MAST4: variants seen among roughly 807,000 people sequenced by gnomAD.
MAST4 encodes microtubule-associated serine/threonine-protein kinase 4.
MAST4 carries 89 observed loss-of-function variants against 162.7 expected under a neutral mutation model. That is an observed-to-expected ratio of 0.55 (90% CI 0.46 to 0.65). The LOEUF (loss-of-function observed/expected upper bound fraction) is 0.65, where lower values mean the gene tolerates loss of function less well. Among genes scored for constraint, MAST4 ranks in the 30% least tolerant of loss-of-function variants. The probability of loss-of-function intolerance (pLI) is 0.00; values close to 1 mark genes in which losing one functional copy is unlikely to be tolerated. For synonymous variants in MAST4, 1,479 were observed against 1,361.1 expected, an observed-to-expected ratio of 1.09 and a Z score of -1.91; for missense variants, 3,153 against 3,374.0, an observed-to-expected ratio of 0.93 and a Z score of 1.62.
At chr5:66,772,193 G>C (rs1480879749) in intron 2 of MAST4, among the ~76,000 whole-genome samples, 1 of 152,188 alleles carries the variant, frequency 6.6e-6, no homozygotes, top group Non-Finnish European at 1.5e-5. Flanking sequence ...GAGGAGATAA[G>C]GTAGGGAAAG....
At chr5:67,069,563 C>T (rs1760677472) in intron 5 of MAST4, among the ~76,000 whole-genome samples, 1 of 151,958 alleles carries the variant, frequency 6.6e-6, no homozygotes, top group Non-Finnish European at 1.5e-5. Context: ...GCCCGAGTGA[C>T]CCCCAGCATG....
At chr5:66,730,055 G>A (rs768092370) in intron 1 of MAST4, among the ~76,000 whole-genome samples, 9 of 152,104 alleles carry the variant, frequency 5.9e-5, no homozygotes, top group Non-Finnish European at 1.0e-4. Context: ...TTGTCTTAAT[G>A]TTAATTTTAG....
intron 2 of MAST4, among the ~76,000 whole-genome samples, chr5:66,776,367 T>A (rs1353978270): frequency 6.6e-6 from 1 of 152,196 alleles, no homozygotes. Flanking sequence ...GATTCATAAT[T>A]TCTCCAAGAA....
At chr5:66,646,168 T>C (rs1745822021) in intron 1 of MAST4, among the ~76,000 whole-genome samples, 1 of 152,190 alleles carries the variant, frequency 6.6e-6, no homozygotes, top group African/African-American at 2.4e-5. Context: ...AGGTAAATGT[T>C]ATAAACACTT....
rs758395956 is a variant in MAST4, at chr5:67,166,396, C to A, written c.7217C>A (p.Pro2406Gln). 13 of 1,610,432 alleles carry A rather than the reference C, an allele frequency of 8.1e-6. No individual in the cohort carries two copies. The highest frequency in any genetic ancestry group is 1.1e-5 in the Non-Finnish European group (13 of 1,178,298). Reference protein sequence around the residue: ...SENRLKGAERPAAGVGKGFPE... With the variant: ...SENRLKGAERQAAGVGKGFPE... ...AACCGGTTGAAAGGCGCGGAGCGGCCAGCCGCGGGGGTGGGGAAGGGCTTC... is the reference window on the plus strand; with the variant it reads ...AACCGGTTGAAAGGCGCGGAGCGGCAAGCCGCGGGGGTGGGGAAGGGCTTC... Residue 2406 changes from proline to glutamine, a missense_variant, in exon 29 of 29, where the codon CCA becomes CAA. Around this residue, in one of 7 missense-constraint regions of MAST4, gnomAD observed 1,644 missense variants for 1,495.0 expected, o/e 1.10. Coordinates refer to ENST00000403625, the MANE Select transcript of MAST4 (RefSeq NM_001164664.2).
intron 5 of MAST4, among the ~76,000 whole-genome samples, chr5:67,057,531 A>G (rs952802548): frequency 6.6e-6 from 1 of 151,328 alleles, no homozygotes. Flanking sequence ...ATGTCTTCAC[A>G]AAATAGTGTT....
At chr5:66,820,610 A>C (rs1756947404) in intron 3 of MAST4, among the ~76,000 whole-genome samples, 3 of 152,218 alleles carry the variant, frequency 2.0e-5, no homozygotes, top group Non-Finnish European at 4.4e-5. Flanking sequence ...ATGAAGTTCT[A>C]TTACCCAGTT....
At chr5:67,003,130 T>C (rs951083394) in intron 4 of MAST4, among the ~76,000 whole-genome samples, 2 of 151,952 alleles carry the variant, frequency 1.3e-5, no homozygotes, top group Non-Finnish European at 2.9e-5. Context: ...TAGAAACATT[T>C]TTTAAAAGAA....
intron 4 of MAST4, among the ~76,000 whole-genome samples, chr5:66,919,956 CCTTCCTTCCTTCCTTCCT>C (rs1764411985): frequency 8.8e-6 from 1 of 113,488 alleles, no homozygotes; most frequent in Non-Finnish European, 1.8e-5. Context: ...TTCCTTCCTT[CCTTCCTTCCTTCCTTCCT>C]TCTTTCTCTC....
intron 1 of MAST4, among the ~76,000 whole-genome samples, chr5:66,709,551 A>C (rs1750361335): frequency 6.6e-6 from 1 of 151,150 alleles, no homozygotes; most frequent in Non-Finnish European, 1.5e-5. Flanking sequence ...TCTGGGCCTC[A>C]AGCAGTCCTC....
chr5:67,162,479 C>CT, intron 27 of MAST4, 128 bp from the exon 28 acceptor site: 1 of 766,974 alleles, frequency 1.3e-6, no homozygotes, highest in East Asian at 2.6e-5. Context: ...GTGTTCTGCT[C>CT]TTTAATAGGA....
At chr5:67,161,310 A>G (rs1002137584) in intron 27 of MAST4, among the ~76,000 whole-genome samples, 1 of 151,896 alleles carries the variant, frequency 6.6e-6, no homozygotes, top group African/African-American at 2.4e-5. Context: ...ACGAAAAGCC[A>G]TGTATTAACT....
intron 23 of MAST4, 57 bp from the exon 24 acceptor site, chr5:67,149,332 C>T: frequency 6.7e-7 from 1 of 1,500,302 alleles, no homozygotes; most frequent in Non-Finnish European, 9.1e-7. Flanking sequence ...TTCCCGTCTT[C>T]CCACCTCTCC....
intron 4 of MAST4, among the ~76,000 whole-genome samples, chr5:66,963,519 G>A (rs1006399984): frequency 2.6e-5 from 4 of 152,194 alleles, no homozygotes; most frequent in Admixed American, 2.0e-4. Context: ...GTAAATTTCA[G>A]CAGGAAGCAT....
chr5:66,596,670 T>C lies in MAST4; in HGVS notation c.15T>C (p.Val5=). The change falls in exon 1 of 29, where the codon GTT becomes GTC. Residue 5 remains valine (V), a synonymous_variant. Coordinates refer to ENST00000403625, the MANE Select transcript of MAST4 (RefSeq NM_001164664.2). MGEK[V]SEAPEPVPRG... is the part of the protein sequence containing the mutation. ...CAGACAGGGAAATGGGGGAGAAAGT[T>C]TCGGAGGCGCCAGAGCCGGTGCCCC... 2 of 1,462,780 alleles carry C rather than the reference T, an allele frequency of 1.4e-6. No individual in the cohort carries two copies. The highest frequency in any genetic ancestry group is 1.8e-6 in the Non-Finnish European group (2 of 1,108,786). 90.6% of individuals were successfully genotyped at this position (1,462,780 alleles called of 1,614,324 possible).
chr5:66,870,033 G>A (rs1405187668), intron 3 of MAST4, among the ~76,000 whole-genome samples: 2 of 152,144 alleles, frequency 1.3e-5, no homozygotes, highest in African/African-American at 4.8e-5. Context: ...ACCTTGGGTG[G>A]TGTGTTTGTG....
intron 1 of MAST4, among the ~76,000 whole-genome samples, chr5:66,656,209 T>C (rs1746534877): frequency 6.6e-6 from 1 of 152,214 alleles, no homozygotes; most frequent in South Asian, 2.1e-4. Context: ...GTCTTAATAA[T>C]GGACTGACCA....
intron 4 of MAST4, among the ~76,000 whole-genome samples, chr5:66,929,837 G>A (rs897721546): frequency 6.6e-6 from 1 of 152,176 alleles, no homozygotes; most frequent in African/African-American, 2.4e-5. Flanking sequence ...TAAGGATGAT[G>A]GAACTGCAAG....
At chr5:66,904,135 A>G (rs1298773859) in intron 4 of MAST4, among the ~76,000 whole-genome samples, 1 of 152,234 alleles carries the variant, frequency 6.6e-6, no homozygotes, top group Non-Finnish European at 1.5e-5. Context: ...TACATTTGTA[A>G]GTGGAAAAAT....
Sources: allele counts gnomAD v4.1 joint callset (sites outside exome capture counted in the v4.1 genomes callset), GRCh38; gene constraint gnomAD v4.1.1; regional missense constraint gnomAD v4.1.1; transcripts MANE v1.5; gene names NCBI Gene and HGNC (gene_info 2026-07-23, HGNC 2026-07-21).